VWF: variants seen among roughly 807,000 people sequenced by gnomAD.
VWF encodes the protein Factor VIII related antigen.
VWF carries 176 observed loss-of-function variants against 308.6 expected under a neutral mutation model. The observed-to-expected ratio is 0.57, with a 90% CI of 0.50 to 0.65. VWF has a LOEUF of 0.65. Ranked by LOEUF, VWF falls within the 30% of genes least tolerant of loss-of-function variation. The pLI is 0.00. For synonymous variants in VWF, 1,385 were observed against 1,443.4 expected (o/e 0.96, Z 0.92); for missense variants, 3,146 against 3,648.2 (o/e 0.86, Z 3.55).
At chr12:6,029,793 C>T (rs951297850) in intron 21 of VWF, among the ~76,000 whole-genome samples, 1 of 152,170 alleles carries the variant, frequency 6.6e-6, no homozygotes, top group African/African-American at 2.4e-5. Context: ...ATTTTATTGA[C>T]AATTAGTCAT....
rs1000790355 is a variant in VWF, at chr12:6,093,413, T to G, written c.657+2047A>C. Among the ~76,000 whole-genome samples, 7 of 152,136 alleles carry G rather than the reference T, an allele frequency of 4.6e-5. No individual in the cohort carries two copies. In the East Asian group the frequency reaches 1.4e-3, roughly 29 times the overall value. On this transcript the variant is annotated intron_variant, in intron 6 of 51. Coordinates refer to ENST00000261405, the MANE Select transcript of VWF (RefSeq NM_000552.5). ...CCACCTTCCAGAGCTCCTTGAAGGATCAGCTGAGGCCCCGCTGAAGCTCTA... is the reference window on the plus strand; with the variant it reads ...CCACCTTCCAGAGCTCCTTGAAGGAGCAGCTGAGGCCCCGCTGAAGCTCTA...
At chr12:6,017,068 C>T (rs768468958) in intron 28 of VWF, among the ~76,000 whole-genome samples, 198 bp from the exon 29 acceptor site, 1 of 152,158 alleles carries the variant, frequency 6.6e-6, no homozygotes, top group Non-Finnish European at 1.5e-5. Flanking sequence ...TTCCTGGGTC[C>T]GGACTACCTC....
At chr12:6,030,056 T>C (rs1944241669) in intron 21 of VWF, among the ~76,000 whole-genome samples, 1 of 152,208 alleles carries the variant, frequency 6.6e-6, no homozygotes, top group African/African-American at 2.4e-5. Flanking sequence ...CCTGAGCCTC[T>C]GACTTAGCCC....
chr12:6,083,128 G>A (rs781738581), intron 6 of VWF, among the ~76,000 whole-genome samples: 2 of 152,168 alleles, frequency 1.3e-5, no homozygotes, highest in African/African-American at 2.4e-5. Context: ...CAAAGCGTGT[G>A]ACTTTAAGAA....
chr12:5,982,706 G>A (rs867974984), intron 41 of VWF, among the ~76,000 whole-genome samples: 8 of 152,074 alleles, frequency 5.3e-5, no homozygotes, highest in East Asian at 1.9e-4. Flanking sequence ...TTAGTCCATC[G>A]CTATGTTTAA....
chr12:5,968,278 T>C lies in VWF; in HGVS notation c.7730-111A>G, dbSNP rs189095419. On this transcript the variant is annotated intron_variant, in intron 45 of 51. Transcript: ENST00000261405. ...CCTCCGTGTCTGGGCCTCCCTCCTGTATCGGTCGGCCCTTTCCCCCCACCC... is the reference window on the plus strand; with the variant it reads ...CCTCCGTGTCTGGGCCTCCCTCCTGCATCGGTCGGCCCTTTCCCCCCACCC... 3 of 1,359,896 alleles carry C rather than the reference T, an allele frequency of 2.2e-6. No individual in the cohort carries two copies. The East Asian group carries it at 7.4e-5, about 34-fold the overall frequency. The allele number at this position is 1,359,896 out of a possible 1,614,324, so 84.2% of individuals were successfully genotyped here.
chr12:6,113,383 C>T (rs1258201365), intron 3 of VWF, among the ~76,000 whole-genome samples: 1 of 151,650 alleles, frequency 6.6e-6, no homozygotes, highest in Non-Finnish European at 1.5e-5. Flanking sequence ...CTGCAAGCTC[C>T]GCCTCCCGGG....
intron 47 of VWF, among the ~76,000 whole-genome samples, chr12:5,966,379 A>G (rs1251891670): frequency 1.3e-5 from 2 of 152,106 alleles, no homozygotes; most frequent in African/African-American, 4.8e-5. Flanking sequence ...AAAACCACAT[A>G]CTTACCTTCT....
intron 46 of VWF, 32 bp from the exon 47 acceptor site, chr12:5,967,634 C>T (rs751115083): frequency 7.7e-5 from 122 of 1,594,320 alleles, no homozygotes; most frequent in Non-Finnish European, 1.0e-4. Flanking sequence ...TCAGGCCCCC[C>T]AGCATCCCCC....
At chr12:6,100,963 T>C (rs966490275) in intron 5 of VWF, among the ~76,000 whole-genome samples, 1 of 152,116 alleles carries the variant, frequency 6.6e-6, no homozygotes, top group African/African-American at 2.4e-5. Context: ...AAAATTTCTA[T>C]ATAAAGGTTA....
At chr12:5,981,561 A>G (rs904313713) in intron 42 of VWF, among the ~76,000 whole-genome samples, 1 of 152,172 alleles carries the variant, frequency 6.6e-6, no homozygotes, top group Non-Finnish European at 1.5e-5. Context: ...ACTCAGGCTG[A>G]GCTGGAATGC....
At chr12:6,049,532 A>G (rs1282328229) in intron 16 of VWF, among the ~76,000 whole-genome samples, 1 of 152,202 alleles carries the variant, frequency 6.6e-6, no homozygotes, top group Non-Finnish European at 1.5e-5. Flanking sequence ...ACTGAAACAC[A>G]GAGGCCACCA....
At chr12:5,975,974 C>A (rs377180385) in intron 43 of VWF, 137 bp downstream of exon 43, 9 of 1,264,892 alleles carry the variant, frequency 7.1e-6, no homozygotes, top group African/African-American at 5.9e-5. Flanking sequence ...CGAGATTGTG[C>A]CACTGCACTC....
Position 5,979,602 on chromosome 12 carries a change from T to A in VWF, c.7287+2184A>T, listed in dbSNP as rs137908919. On this transcript the variant is annotated intron_variant, in intron 42 of 51. Coordinates refer to ENST00000261405, the MANE Select transcript of VWF (RefSeq NM_000552.5). Reference sequence around the variant, plus strand: ...CCGTCTCTACTAATAATACAAAAATTAGCTGGGTGTGGTGGTGTGCGCCTG... The same window carrying A: ...CCGTCTCTACTAATAATACAAAAATAAGCTGGGTGTGGTGGTGTGCGCCTG... 1.8e-3 allele frequency among the ~76,000 whole-genome samples: 269 copies of A among 150,840 alleles called. 1 individual carries two copies. Among genetic ancestry groups the A allele is most frequent in the African/African-American group, 5.8e-3 (239 of 40,970 alleles).
intron 6 of VWF, among the ~76,000 whole-genome samples, chr12:6,092,618 A>AGTGAGAGTGT (rs1945055436): frequency 1.5e-5 from 1 of 66,150 alleles, no homozygotes; most frequent in Non-Finnish European, 2.9e-5. Context: ...AGTGAGTGAG[A>AGTGAGAGTGT]GTGTGTGTGT....
chr12:6,103,795 G>A (rs1446245815), intron 5 of VWF, among the ~76,000 whole-genome samples: 1 of 151,912 alleles, frequency 6.6e-6, no homozygotes, highest in Non-Finnish European at 1.5e-5. Context: ...TGAATGTAAG[G>A]TCTGAAACTA....
At chr12:6,064,446 A>T in intron 11 of VWF, 62 bp from the exon 12 acceptor site, 1 of 1,605,316 alleles carries the variant, frequency 6.2e-7, no homozygotes, top group Non-Finnish European at 8.5e-7. Context: ...TCCCCAGCCC[A>T]GGACCCTCTT....
At chr12:6,108,322 G>C (rs1299593005) in intron 5 of VWF, among the ~76,000 whole-genome samples, 1 of 73,256 alleles carries the variant, frequency 1.4e-5, no homozygotes. Flanking sequence ...AAGAAAGAAA[G>C]AAAGAAATAT....
Position 6,058,102 on chromosome 12 carries a change from T to C in VWF, c.1534-58A>G. The C allele has an allele frequency of 6.3e-7, 1 of 1,592,220 alleles. No individual in the cohort carries two copies. The highest frequency in any genetic ancestry group is 8.6e-7 in the Non-Finnish European group (1 of 1,167,640). On this transcript the variant is annotated intron_variant, in intron 13 of 51. Coordinates refer to ENST00000261405, the MANE Select transcript of VWF (RefSeq NM_000552.5). The surrounding 1 kb of genome is among the most constrained non-coding windows in gnomAD (Gnocchi z 4.9). ...TGCCGCGAAAGCAGCGGCATAGTTG[T>C]TTAGCTAATGAGATGGTTTTAATAA... is the stretch of plus-strand genomic sequence containing the variant.
Sources: gnomAD v4.1 joint callset for allele counts (sites outside exome capture counted in the v4.1 genomes callset) on GRCh38, gnomAD v4.1.1 for gene constraint, Gnocchi (gnomAD v3.1) non-coding constraint, MANE v1.5 for transcripts, NCBI Gene and HGNC (gene_info 2026-07-23, HGNC 2026-07-21) for gene names.